Variants in GLIS3 observed in about 807,000 individuals in gnomAD.
The protein encoded by GLIS3 is zinc finger protein GLIS3.
Under a neutral mutation model 78.6 loss-of-function variants are expected in GLIS3, and 53 were observed. The observed-to-expected ratio is 0.67, with a 90% CI of 0.54 to 0.85. The LOEUF (loss-of-function observed/expected upper bound fraction) is 0.85. Ranked by LOEUF, GLIS3 falls within the 40% of genes least tolerant of loss-of-function variation. The pLI is 0.00. For missense variants in GLIS3, 1,703 were observed against 1,231.1 expected (o/e 1.38, Z -5.74); for synonymous variants, 684 against 509.9 (o/e 1.34, Z -4.60).
At chr9:4,376,589 G>A in the GLIS3 span, among the ~76,000 whole-genome samples, 1 of 134,912 alleles carries the variant, frequency 7.4e-6, no homozygotes, top group East Asian at 2.2e-4. Context: ...AGTCATGTAG[G>A]TAGTTGGTTC....
chr9:4,314,522 G>A (rs1208668663), intron 2 of GLIS3, among the ~76,000 whole-genome samples: 2 of 152,198 alleles, frequency 1.3e-5, no homozygotes, highest in East Asian at 3.8e-4. Flanking sequence ...ATGCTATGTG[G>A]TCTTCAGGCA....
At chr9:3,955,590 G>C (rs1817048038) in intron 4 of GLIS3, among the ~76,000 whole-genome samples, 1 of 152,010 alleles carries the variant, frequency 6.6e-6, no homozygotes, top group Admixed American at 6.6e-5. Flanking sequence ...GGTTGGCGTT[G>C]GATTAAAGAA....
At chr9:4,163,268 A>ACG (rs1554720612) in intron 2 of GLIS3, among the ~76,000 whole-genome samples, 91 of 151,328 alleles carry the variant, frequency 6.0e-4, no homozygotes, top group Middle Eastern at 3.4e-3. Context: ...ACACACACAC[A>ACG]CGCGCACGCG....
rs55657854 is a variant in GLIS3 at position 4,033,857 on chromosome 9, C to T, written c.1710+83911G>A. Among the ~76,000 whole-genome samples the T allele has an allele frequency of 1.2e-4, 6 of 48,318 alleles. 1 individual carries two copies. The East Asian group carries it at 2.6e-3, about 21-fold the overall frequency. The allele number at this position is 48,318 out of a possible 152,430, so 31.7% of individuals were successfully genotyped here. On this transcript the variant is annotated intron_variant, in intron 4 of 10. Coordinates refer to ENST00000381971, the MANE Select transcript of GLIS3 (RefSeq NM_001042413.2). ...GTTTAATTGCCCCCAAAAACATAGG[C>T]GAAGGATAAAAAAAAAAAAAAAAAA... is the stretch of plus-strand genomic sequence containing the variant.
At chr9:4,473,453 A>C in the GLIS3 span, among the ~76,000 whole-genome samples, 4 of 149,308 alleles carry the variant, frequency 2.7e-5, no homozygotes, top group Non-Finnish European at 5.9e-5. Flanking sequence ...CTCAACAACA[A>C]CAACAACAAA....
chr9:4,114,704 C>G (rs1369805121), intron 4 of GLIS3, among the ~76,000 whole-genome samples: 1 of 152,102 alleles, frequency 6.6e-6, no homozygotes, highest in Non-Finnish European at 1.5e-5. Flanking sequence ...TGTCTGTCTA[C>G]AGAGGCCTTT....
At chr9:4,074,199 C>T (rs1564013958) in intron 4 of GLIS3, among the ~76,000 whole-genome samples, 1 of 152,126 alleles carries the variant, frequency 6.6e-6, no homozygotes, top group South Asian at 2.1e-4. Context: ...AACCAGGGGT[C>T]TCTAGGGGAG....
chr9:4,116,360 C>A (rs1275185928), intron 4 of GLIS3, among the ~76,000 whole-genome samples: 2 of 152,190 alleles, frequency 1.3e-5, no homozygotes, highest in Non-Finnish European at 2.9e-5. Context: ...ACCCTAGTGA[C>A]AGAGTAAGGT....
At chr9:4,186,495 A>G (rs1226226358) in intron 2 of GLIS3, among the ~76,000 whole-genome samples, 1 of 151,844 alleles carries the variant, frequency 6.6e-6, no homozygotes, top group Non-Finnish European at 1.5e-5. Context: ...ATGATTTATA[A>G]TCCTTTGGGT....
chr9:4,280,949 G>C (rs958157164), intron 2 of GLIS3, among the ~76,000 whole-genome samples: 4 of 152,162 alleles, frequency 2.6e-5, no homozygotes, highest in African/African-American at 9.7e-5. Flanking sequence ...ACTGTTCTCA[G>C]TTCATAGCAT....
At position 4,286,325 on chromosome 9, in the gene GLIS3, T is replaced by C. The variant is rs763909530; in HGVS notation, c.101A>G (p.His34Arg). 4 of 1,614,014 alleles carry C rather than the reference T, an allele frequency of 2.5e-6. No homozygotes were observed. Among genetic ancestry groups the C allele is most frequent in the Non-Finnish European group, 3.4e-6 (4 of 1,180,026 alleles). ...GGGCGAGGGGCCAGGAGTCCCGGAGTGGGCTCGGATGGCAGGAATGTGATG... is the reference window on the plus strand; with the variant it reads ...GGGCGAGGGGCCAGGAGTCCCGGAGCGGGCTCGGATGGCAGGAATGTGATG... ...SGHHIPAIRA[H>R]SGTPGPSPCG... Residue 34 changes from histidine (H) to arginine (R), a missense_variant, in exon 2 of 11, where the codon CAC (histidine) becomes CGC (arginine). Coordinates refer to ENST00000381971, the MANE Select transcript of GLIS3 (RefSeq NM_001042413.2).
At chr9:4,037,293 C>A (rs1383547256) in intron 4 of GLIS3, among the ~76,000 whole-genome samples, 1 of 152,188 alleles carries the variant, frequency 6.6e-6, no homozygotes, top group Non-Finnish European at 1.5e-5. Flanking sequence ...CATTCTAATT[C>A]TGTCACTTCC....
intron 2 of GLIS3, among the ~76,000 whole-genome samples, chr9:4,215,720 C>T (rs905714711): frequency 2.0e-5 from 3 of 152,138 alleles, no homozygotes; most frequent in African/African-American, 4.8e-5. Context: ...AAAACACGTC[C>T]ATATAATTTA....
chr9:4,156,824 G>GA (rs200893177), intron 2 of GLIS3, among the ~76,000 whole-genome samples: 25 of 150,840 alleles, frequency 1.7e-4, no homozygotes, highest in South Asian at 4.2e-4. Context: ...GAGTGTCTCT[G>GA]AAAAAAAAAT....
chr9:4,250,149 G>C (rs146064402), intron 2 of GLIS3, among the ~76,000 whole-genome samples: 3 of 152,134 alleles, frequency 2.0e-5, no homozygotes, highest in African/African-American at 4.8e-5. Flanking sequence ...GAGTTAGGGA[G>C]GATTCCCTCT....
the GLIS3 span, among the ~76,000 whole-genome samples, chr9:4,442,760 A>G: frequency 3.3e-5 from 5 of 152,094 alleles, no homozygotes; most frequent in African/African-American, 1.2e-4. Context: ...TTACATGTTT[A>G]CAGTTATTAA....
chr9:4,483,555 T>G, the GLIS3 span, among the ~76,000 whole-genome samples: 1 of 151,854 alleles, frequency 6.6e-6, no homozygotes, highest in Non-Finnish European at 1.5e-5. Flanking sequence ...CCATCTCTAC[T>G]AAAAATTCAA....
chr9:3,879,695 T>G, intron 7 of GLIS3, 100 bp from the exon 8 acceptor site: 1 of 1,241,374 alleles, frequency 8.1e-7, no homozygotes, highest in Non-Finnish European at 1.1e-6. Flanking sequence ...GGGGCTTGCT[T>G]GTTTTTCTCT....
chr9:4,336,939 T>C (rs1817765164), intron 2 of GLIS3, among the ~76,000 whole-genome samples: 3 of 152,114 alleles, frequency 2.0e-5, no homozygotes, highest in South Asian at 4.1e-4. Context: ...AAGAGAAAAA[T>C]AGATCAAGTA....
Sources: allele counts gnomAD v4.1 joint callset (sites outside exome capture counted in the v4.1 genomes callset), GRCh38; gene constraint gnomAD v4.1.1; transcripts MANE v1.5; gene names NCBI Gene and HGNC (gene_info 2026-07-23, HGNC 2026-07-21).